The following CFAP69 variants were observed in gnomAD, a reference collection of about 807,000 sequenced individuals.
The protein encoded by CFAP69 is cilia- and flagella-associated protein 69.
In CFAP69, 92 loss-of-function variants were observed where a neutral mutation model predicts 123.0. That is an observed-to-expected ratio of 0.75 (90% CI 0.63 to 0.89). CFAP69 has a LOEUF of 0.89. Among genes scored for constraint, CFAP69 ranks in the 40% least tolerant of loss-of-function variants. The pLI is 0.00. For missense variants in CFAP69, 1,067 were observed against 1,096.9 expected (o/e 0.97, Z 0.39); for synonymous variants, 380 against 364.3 (o/e 1.04, Z -0.49).
chr7:90,310,055 T>C lies in CFAP69; in HGVS notation c.2656-13T>C. 1.2e-6 allele frequency: 2 copies of C among 1,600,966 alleles called. No individual in the cohort carries two copies. The highest frequency in any genetic ancestry group is 1.7e-6 in the Non-Finnish European group (2 of 1,173,272). On this transcript the variant is annotated splice_polypyrimidine_tract_variant and intron_variant, in intron 22 of 22. Transcript: ENST00000389297. ...TAAATGGACTTTTAGATATTTACCT[T>C]TTGCCTTTTTAGGTGCCCTCTGGTG...
chr7:90,299,266 A>G (rs1792423712), intron 16 of CFAP69, among the ~76,000 whole-genome samples: 1 of 152,188 alleles, frequency 6.6e-6, no homozygotes, highest in Non-Finnish European at 1.5e-5. Context: ...CTATACCTAA[A>G]TTTTGGTGTA....
In CFAP69 at chr7:90,310,083, G is replaced by A; in HGVS notation, c.2671G>A (p.Val891Ile). The change falls in exon 23 of 23, where the codon GTA becomes ATA. Residue 891 changes from valine to isoleucine, a missense_variant. Coordinates refer to ENST00000389297, the MANE Select transcript of CFAP69 (RefSeq NM_001039706.3). ...GCCTTTTTAGGTGCCCTCTGGTGGAGTAGTAACAGTGGAAAGCACTCCTGC... is the reference window on the plus strand; with the variant it reads ...GCCTTTTTAGGTGCCCTCTGGTGGAATAGTAACAGTGGAAAGCACTCCTGC... ...GLNTTVPSGG[V>I]VTVESTPARL... The A allele has an allele frequency of 1.2e-6, 2 of 1,610,688 alleles. No individual in the cohort carries two copies. Among genetic ancestry groups the A allele is most frequent in the Non-Finnish European group, 1.7e-6 (2 of 1,177,896 alleles).
At chr7:90,286,710 A>T (rs1790337829) in intron 14 of CFAP69, among the ~76,000 whole-genome samples, 1 of 152,012 alleles carries the variant, frequency 6.6e-6, no homozygotes, top group Admixed American at 6.6e-5. Flanking sequence ...GGTTTTCCCT[A>T]TTCTTTAAGT....
intron 6 of CFAP69, chr7:90,268,856 CA>C (rs1400430519): frequency 6.4e-6 from 1 of 155,270 alleles, no homozygotes; most frequent in African/African-American, 2.4e-5. Context: ...TGGTTGGGAC[CA>C]AGACAGTGGC....
At chr7:90,292,576 C>T (rs536952860) in intron 15 of CFAP69, among the ~76,000 whole-genome samples, 56 of 152,234 alleles carry the variant, frequency 3.7e-4, no homozygotes, top group African/African-American at 9.6e-4. Context: ...AGAACACTCA[C>T]GAATAGTTGT....
chr7:90,268,747 A>T (rs1001174191), intron 6 of CFAP69, among the ~76,000 whole-genome samples: 1 of 152,112 alleles, frequency 6.6e-6, no homozygotes, highest in Admixed American at 6.6e-5. Context: ...ATGTTAAGCT[A>T]CCAATGCCAG....
chr7:90,304,786 C>A lies in CFAP69; in HGVS notation c.2231C>A (p.Thr744Asn). 1 of 1,565,716 alleles carries A rather than the reference C, an allele frequency of 6.4e-7. No homozygotes were observed. Among genetic ancestry groups the A allele is most frequent in the South Asian group, 1.1e-5 (1 of 88,684 alleles). The change falls in exon 19 of 23, where the codon ACC becomes AAC. Residue 744 changes from threonine to asparagine, a missense_variant. By Grantham distance (65) the Thr-to-Asn change is moderately conservative. Coordinates refer to ENST00000389297, the MANE Select transcript of CFAP69 (RefSeq NM_001039706.3). ...GGCCTATCTGCTGAAGATTTTGTCA[C>A]CCTTTGTATCATACATAGATATCTT... Reference protein sequence around the residue: ...LPGLSAEDFVTLCIIHRYLDF... With the variant: ...LPGLSAEDFVNLCIIHRYLDF...
intron 18 of CFAP69, 48 bp downstream of exon 18, chr7:90,304,154 C>T: frequency 1.4e-6 from 2 of 1,478,312 alleles, no homozygotes; most frequent in Non-Finnish European, 1.8e-6. Context: ...GCTAAGTATA[C>T]ACACTGATTT....
chr7:90,249,968 T>C (rs1243008163), intron 1 of CFAP69, among the ~76,000 whole-genome samples: 1 of 152,204 alleles, frequency 6.6e-6, no homozygotes, highest in Non-Finnish European at 1.5e-5. Flanking sequence ...ATCTTTTAGT[T>C]GATATCATAT....
rs574623022 is a variant in CFAP69, at chr7:90,307,066, G to A, written c.2431G>A (p.Asp811Asn). ...TATAATTGAAAGCCAAGCATGCCAA[G>A]ACATGCAAAATGAACAAAAAGTATA... ...SDIIESQACQ[D>N]MQNEQKVYAK... Residue 811 changes from aspartate (D) to asparagine (N), a missense_variant, in exon 20 of 23, where the codon GAC (aspartate) becomes AAC (asparagine). Physicochemically the swap from Asp to Asn is conservative, Grantham distance 23. Transcript: ENST00000389297. 3.8e-5 allele frequency: 62 copies of A among 1,611,748 alleles called. 1 individual carries two copies. In the South Asian group the frequency reaches 6.3e-4, roughly 16 times the overall value.
intron 1 of CFAP69, among the ~76,000 whole-genome samples, chr7:90,253,834 G>A (rs551611532): frequency 3.3e-5 from 5 of 152,040 alleles, no homozygotes; most frequent in Non-Finnish European, 5.9e-5. Context: ...ACACTTTTTA[G>A]CTTGGTGTAA....
intron 3 of CFAP69, 95 bp downstream of exon 3, chr7:90,258,258 A>C (rs1797889391): frequency 2.3e-6 from 2 of 862,698 alleles, no homozygotes; most frequent in African/African-American, 3.5e-5. Flanking sequence ...TGTTGTAACA[A>C]ATTACCATAA....
At chr7:90,290,034 G>A (rs568698664) in intron 15 of CFAP69, among the ~76,000 whole-genome samples, 5 of 152,242 alleles carry the variant, frequency 3.3e-5, no homozygotes, top group Admixed American at 6.5e-5. Context: ...ACATCTGGTA[G>A]AGTAAGTCTT....
intron 4 of CFAP69, among the ~76,000 whole-genome samples, chr7:90,262,321 A>G (rs1461999181): frequency 6.6e-6 from 1 of 152,192 alleles, no homozygotes; most frequent in African/African-American, 2.4e-5. Flanking sequence ...TAAATATTAG[A>G]TGTAACCAAG....
In CFAP69 at chr7:90,307,816, G is replaced by C; in HGVS notation, c.2512G>C (p.Asp838His). 2.5e-6 allele frequency: 4 copies of C among 1,612,194 alleles called. No homozygotes were observed. The highest frequency in any genetic ancestry group is 3.4e-6 in the Non-Finnish European group (4 of 1,179,018). Residue 838 changes from aspartate to histidine, a missense_variant, in exon 21 of 23, where the codon GAT becomes CAT. Coordinates refer to ENST00000389297, the MANE Select transcript of CFAP69 (RefSeq NM_001039706.3). The part of the protein sequence containing the change: ...QRELANKSWE[D>H]FLARTSNAKT... ...AGAGCTGGCTAATAAATCATGGGAAGATTTCTTGGCTAGAACATCAAACGC... is the reference window on the plus strand; with the variant it reads ...AGAGCTGGCTAATAAATCATGGGAACATTTCTTGGCTAGAACATCAAACGC...
intron 19 of CFAP69, among the ~76,000 whole-genome samples, chr7:90,305,861 G>C (rs983918602): frequency 6.6e-6 from 1 of 151,014 alleles, no homozygotes; most frequent in Non-Finnish European, 1.5e-5. Context: ...GTCTTTTTAA[G>C]TTAACATTGT....
At chr7:90,303,355 T>C (rs551851068) in intron 17 of CFAP69, 1 of 155,268 alleles carries the variant, frequency 6.4e-6, no homozygotes, top group Non-Finnish European at 1.4e-5. Flanking sequence ...TCCAATACTA[T>C]GTGGTGAAAG....
chr7:90,281,296 T>A (rs1344563646), intron 12 of CFAP69, among the ~76,000 whole-genome samples: 2 of 152,132 alleles, frequency 1.3e-5, no homozygotes, highest in Non-Finnish European at 2.9e-5. Flanking sequence ...CAGAACAGTA[T>A]TTTCAACTTT....
At chr7:90,307,913 T>G (rs1793846165) in intron 21 of CFAP69, 59 bp downstream of exon 21, 1 of 1,080,302 alleles carries the variant, frequency 9.3e-7, no homozygotes, top group South Asian at 1.4e-5. Flanking sequence ...ACAGACAGAC[T>G]TTTTCAGGAA....
Sources: gnomAD v4.1 joint callset for allele counts (sites outside exome capture counted in the v4.1 genomes callset) on GRCh38, gnomAD v4.1.1 for gene constraint, MANE v1.5 for transcripts, NCBI Gene and HGNC (gene_info 2026-07-23, HGNC 2026-07-21) for gene names.